Variants in RXFP2 observed in about 807,000 individuals in gnomAD.
RXFP2 encodes relaxin receptor 2.
RXFP2 carries 68 observed loss-of-function variants against 88.6 expected under a neutral mutation model. That is an observed-to-expected ratio of 0.77 (90% CI 0.63 to 0.94). The LOEUF is 0.94. Ranked by LOEUF, RXFP2 falls within the 40% of genes least tolerant of loss-of-function variation. The pLI is 0.00. For synonymous variants in RXFP2, 329 were observed against 306.8 expected, an observed-to-expected ratio of 1.07 and a Z score of -0.76; for missense variants, 791 against 893.9, an observed-to-expected ratio of 0.88 and a Z score of 1.47.
At chr13:31,754,875 C>T (rs1057247947) in intron 1 of RXFP2, among the ~76,000 whole-genome samples, 1 of 139,720 alleles carries the variant, frequency 7.2e-6, no homozygotes, top group Non-Finnish European at 1.6e-5. Flanking sequence ...TCAGAGAAGT[C>T]ACATAAAAAA....
intron 3 of RXFP2, among the ~76,000 whole-genome samples, chr13:31,763,766 C>A (rs187885163): frequency 6.6e-6 from 1 of 152,142 alleles, no homozygotes; most frequent in Admixed American, 6.6e-5. Context: ...TGAAATTATT[C>A]TATTGGTAAA....
intron 1 of RXFP2, among the ~76,000 whole-genome samples, chr13:31,744,272 T>C (rs1207454130): frequency 6.6e-6 from 1 of 152,184 alleles, no homozygotes; most frequent in African/African-American, 2.4e-5. Flanking sequence ...GAAAACTGAG[T>C]TGATCACCTT....
chr13:31,781,298 T>G (rs1056851565), intron 9 of RXFP2, among the ~76,000 whole-genome samples: 5 of 152,140 alleles, frequency 3.3e-5, no homozygotes, highest in Non-Finnish European at 5.9e-5. Flanking sequence ...ATTTCTCTTA[T>G]GTTAAATGGG....
chr13:31,797,379 T>C lies in RXFP2; in HGVS notation c.1965T>C (p.Phe655=), dbSNP rs748768738. 6.9e-5 allele frequency: 112 copies of C among 1,614,052 alleles called. No individual in the cohort carries two copies. The Admixed American group carries it at 1.0e-3, about 15-fold the overall frequency. The part of the protein sequence containing the change: ...FSDAICWIPV[F]VVKILSLFRV... The stretch of plus-strand genomic sequence containing the variant: ...ATGCCATCTGCTGGATTCCTGTATT[T>C]GTAGTTAAAATCCTTTCCCTCTTCC... Residue 655 remains phenylalanine (F), a synonymous_variant, in exon 17 of 18, where the codon TTT becomes TTC. Coordinates refer to ENST00000298386, the MANE Select transcript of RXFP2 (RefSeq NM_130806.5).
intron 2 of RXFP2, among the ~76,000 whole-genome samples, chr13:31,759,435 A>AAGAAAGAAAGAAAGAAAGAAAGAAAGAG (rs1872187921): frequency 7.3e-6 from 1 of 136,352 alleles, no homozygotes; most frequent in Non-Finnish European, 1.6e-5. Flanking sequence ...GAAAGAAAGA[A>AAGAAAGAAAGAAAGAAAGAAAGAAAGAG]AGAAAGAAAG....
intron 1 of RXFP2, among the ~76,000 whole-genome samples, chr13:31,751,821 A>G (rs1277491790): frequency 6.6e-6 from 1 of 151,930 alleles, no homozygotes; most frequent in Non-Finnish European, 1.5e-5. Context: ...CACCCACCAC[A>G]CTGCCCATTC....
chr13:31,781,614 C>G (rs1873277593), intron 9 of RXFP2, 57 bp from the exon 10 acceptor site: 8 of 1,243,422 alleles, frequency 6.4e-6, no homozygotes, highest in South Asian at 2.5e-5. Context: ...AAAAGTATCT[C>G]TAAGCATATG....
At chr13:31,786,482 A>C in intron 12 of RXFP2, 28 bp downstream of exon 12, 1 of 1,566,516 alleles carries the variant, frequency 6.4e-7, no homozygotes, top group South Asian at 1.1e-5. Context: ...CCATAATCAG[A>C]TTTAAAGGGC....
At chr13:31,795,695 CT>C (rs1873999147) in intron 16 of RXFP2, among the ~76,000 whole-genome samples, 1 of 152,198 alleles carries the variant, frequency 6.6e-6, no homozygotes, top group Non-Finnish European at 1.5e-5. Context: ...CTTCACCAAT[CT>C]TACATACAGT....
At position 31,775,343 on chromosome 13, in the gene RXFP2, A is replaced by G; in HGVS notation, c.595A>G (p.Thr199Ala). ...ILYLNHNCIT[T>A]LRPGIFKDLH... ...ATATCTCAACCACAACTGCATCACA[A>G]CCCTCAGACCTGGAATATTCAAAGA... Residue 199 changes from threonine (T) to alanine (A), a missense_variant, in exon 7 of 18, where the codon ACC becomes GCC. Thr to Ala is a moderately conservative substitution (Grantham distance 58, BLOSUM62 0). Coordinates refer to ENST00000298386, the MANE Select transcript of RXFP2 (RefSeq NM_130806.5). 6.2e-7 allele frequency: 1 copy of G among 1,613,750 alleles called. No individual in the cohort carries two copies. The highest frequency in any genetic ancestry group is 1.1e-5 in the South Asian group (1 of 91,076).
At position 31,802,152 on chromosome 13, in the gene RXFP2, T is replaced by A; in HGVS notation, c.2012T>A (p.Met671Lys). 1.9e-6 allele frequency: 3 copies of A among 1,614,098 alleles called. No individual in the cohort carries two copies. The Admixed American group carries it at 5.0e-5, about 27-fold the overall frequency. Residue 671 changes from methionine (M) to lysine (K), a missense_variant, in exon 18 of 18, where the codon ATG becomes AAG. Met to Lys is a moderately conservative substitution (Grantham distance 95, BLOSUM62 -1). Coordinates refer to ENST00000298386, the MANE Select transcript of RXFP2 (RefSeq NM_130806.5). ...ACTTTGCTTCCTTTTCCAGACACAA[T>A]GACTTCCTGGATAGTGATTTTTTTC... is the stretch of plus-strand genomic sequence containing the variant. ...SLFRVEIPDT[M>K]TSWIVIFFLP...
intron 11 of RXFP2, among the ~76,000 whole-genome samples, chr13:31,783,235 G>A (rs182933952): frequency 9.6e-4 from 146 of 152,208 alleles, no homozygotes; most frequent in Non-Finnish European, 1.8e-3. Context: ...TTAGGCTCAC[G>A]GAAAAAATAT....
Position 31,802,229 on chromosome 13 carries a change from T to A in RXFP2, c.2089T>A (p.Phe697Ile), listed in dbSNP as rs753501813. The A allele has an allele frequency of 5.6e-6, 9 of 1,613,852 alleles. No individual in the cohort carries two copies. The East Asian group carries it at 2.0e-4, about 36-fold the overall frequency. The change falls in exon 18 of 18, where the codon TTT (phenylalanine) becomes ATT (isoleucine). Residue 697 changes from phenylalanine (F) to isoleucine (I), a missense_variant. Phe to Ile is a conservative substitution (Grantham distance 21, BLOSUM62 0). Transcript: ENST00000298386. ...NPILYTLTTN[F>I]FKDKLKQLLH... Reference sequence around the variant, plus strand: ...AATCCTCTATACTCTCACAACCAACTTTTTTAAGGACAAGTTGAAACAGCT... The same window carrying A: ...AATCCTCTATACTCTCACAACCAACATTTTTAAGGACAAGTTGAAACAGCT...
chr13:31,752,502 C>T (rs1871715617), intron 1 of RXFP2, among the ~76,000 whole-genome samples: 2 of 151,958 alleles, frequency 1.3e-5, no homozygotes, highest in Admixed American at 6.5e-5. Context: ...ACCATCCAGG[C>T]GGGGAGTACC....
intron 1 of RXFP2, among the ~76,000 whole-genome samples, chr13:31,753,792 G>T (rs1316072126): frequency 1.3e-5 from 2 of 152,000 alleles, no homozygotes; most frequent in Non-Finnish European, 2.9e-5. Context: ...TTTGAAAAGT[G>T]CTCTTCCTTC....
chr13:31,752,584 T>C (rs1389798439), intron 1 of RXFP2, among the ~76,000 whole-genome samples: 1 of 152,082 alleles, frequency 6.6e-6, no homozygotes, highest in African/African-American at 2.4e-5. Flanking sequence ...AAGAGGCCAA[T>C]TTCTCTTCGC....
chr13:31,802,240 C>T lies in RXFP2; in HGVS notation c.2100C>T (p.Asp700=). The change falls in exon 18 of 18, where the codon GAC becomes GAT. Residue 700 remains aspartate, a synonymous_variant. Coordinates refer to ENST00000298386, the MANE Select transcript of RXFP2 (RefSeq NM_130806.5). ...LYTLTTNFFK[D]KLKQLLHKHQ... is the part of the protein sequence containing the mutation. ...CTCTCACAACCAACTTTTTTAAGGACAAGTTGAAACAGCTGCTGCACAAAC... is the reference window on the plus strand; with the variant it reads ...CTCTCACAACCAACTTTTTTAAGGATAAGTTGAAACAGCTGCTGCACAAAC... The T allele has an allele frequency of 6.2e-7, 1 of 1,613,544 alleles. No homozygotes were observed. The highest frequency in any genetic ancestry group is 8.5e-7 in the Non-Finnish European group (1 of 1,179,838).
rs1338614809 is a variant in RXFP2 at position 31,776,077 on chromosome 13, TTTCCTTCC to T, written c.641+692_641+699del. 7.9e-3 allele frequency among the ~76,000 whole-genome samples: 874 copies of T among 111,336 alleles called. 18 individuals carry two copies. Among genetic ancestry groups the T allele is most frequent in the African/African-American group, 0.03 (799 of 26,874 alleles). The allele number at this position is 111,336 out of a possible 152,430, so 73.0% of individuals were successfully genotyped here. ...TTCTTTCTTCTTCTTTCTTTCTTTC[TTTCCTTCC>T]TTCTTTCTTTCTTTTCTTTTCTTTC... On this transcript the variant is annotated intron_variant, in intron 7 of 17. Transcript: ENST00000298386.
At chr13:31,773,999 A>C (rs1872827790) in intron 5 of RXFP2, among the ~76,000 whole-genome samples, 1 of 152,212 alleles carries the variant, frequency 6.6e-6, no homozygotes, top group Non-Finnish European at 1.5e-5. Flanking sequence ...TACTCCTGAC[A>C]GCGCAATTAC....
Sources: allele counts gnomAD v4.1 joint callset (sites outside exome capture counted in the v4.1 genomes callset), GRCh38; gene constraint gnomAD v4.1.1; transcripts MANE v1.5; gene names NCBI Gene and HGNC (gene_info 2026-07-23, HGNC 2026-07-21).